Variants in SMAD6 observed in about 807,000 individuals in gnomAD.
The protein encoded by SMAD6 is MAD homolog 6.
SMAD6 carries 103 observed loss-of-function variants against 39.4 expected under a neutral mutation model. That is an observed-to-expected ratio of 2.62 (90% CI 2.23 to 3.08). The LOEUF (loss-of-function observed/expected upper bound fraction) is 3.08, where lower values mean the gene tolerates loss of function less well. Ranked by LOEUF, SMAD6 falls within the 30% of genes most tolerant of loss-of-function variation. The pLI is 0.00. For synonymous variants in SMAD6, 445 were observed against 353.3 expected (o/e 1.26, Z -2.91); for missense variants, 1,104 against 742.9 (o/e 1.49, Z -5.65).
At chr15:66,710,582 G>A (rs955897349) in intron 1 of SMAD6, among the ~76,000 whole-genome samples, 11 of 152,042 alleles carry the variant, frequency 7.2e-5, no homozygotes, top group African/African-American at 2.2e-4. Flanking sequence ...ACTGATACCC[G>A]CTTAATAATA....
At chr15:66,764,083 A>G (rs1894250308) in intron 3 of SMAD6, among the ~76,000 whole-genome samples, 1 of 152,250 alleles carries the variant, frequency 6.6e-6, no homozygotes, top group African/African-American at 2.4e-5. Context: ...GTGATTGGAA[A>G]GGATACTGTC....
Position 66,782,756 on chromosome 15 carries a change from A to C in SMAD6, c.*1221A>C, listed in dbSNP as rs1051255487. 3 of 152,266 alleles carry C rather than the reference A, an allele frequency of 2.0e-5. No individual in the cohort carries two copies. The highest frequency in any genetic ancestry group is 6.5e-5 in the Admixed American group (1 of 15,290). The allele number at this position is 152,266 out of a possible 1,614,324, so 9.4% of individuals were successfully genotyped here. Reference sequence around the variant, plus strand: ...AACTAAGAGGAATGTTTCATTGTATATCTTTTTTCTTGGAGATTTATATTA... The same window carrying C: ...AACTAAGAGGAATGTTTCATTGTATCTCTTTTTTCTTGGAGATTTATATTA... On this transcript the variant is annotated 3_prime_UTR_variant, in exon 4 of 4. Transcript: ENST00000288840.
chr15:66,703,803 G>C lies in SMAD6; in HGVS notation c.545G>C (p.Arg182Pro). 7.0e-7 allele frequency: 1 copy of C among 1,434,564 alleles called. No individual in the cohort carries two copies. The highest frequency in any genetic ancestry group is 9.2e-7 in the Non-Finnish European group (1 of 1,083,176). 88.9% of individuals were successfully genotyped at this position (1,434,564 alleles called of 1,614,324 possible). A position where few individuals can be genotyped will look rare whatever the true frequency, so the allele number is the denominator to read the frequency against. ...LKTVTYSLLKRLKERSLDTLL... is the reference protein window; with the variant it reads ...LKTVTYSLLKPLKERSLDTLL... ...ACCGTCACGTACTCGCTGCTGAAGC[G>C]GCTCAAGGAGCGCTCGCTGGACACG... The change falls in exon 1 of 4, where the codon CGG (arginine) becomes CCG (proline). Residue 182 changes from arginine (R) to proline (P), a missense_variant. By Grantham distance (103) the Arg-to-Pro change is moderately radical (BLOSUM62 -2). Coordinates refer to ENST00000288840, the MANE Select transcript of SMAD6 (RefSeq NM_005585.5).
intron 3 of SMAD6, among the ~76,000 whole-genome samples, chr15:66,734,306 G>GT (rs1190384158): frequency 6.6e-6 from 1 of 152,212 alleles, no homozygotes; most frequent in Non-Finnish European, 1.5e-5. Flanking sequence ...TTGGAACTGG[G>GT]TTCTGGGCAT....
chr15:66,721,836 G>A (rs1893438640), intron 3 of SMAD6, among the ~76,000 whole-genome samples: 1 of 152,162 alleles, frequency 6.6e-6, no homozygotes. Context: ...AACAAGAGGC[G>A]GTCCAGAGGA....
chr15:66,703,256 C>A lies in SMAD6; in HGVS notation c.-3C>A. The A allele has an allele frequency of 6.9e-7, 1 of 1,448,792 alleles. No homozygotes were observed. Among genetic ancestry groups the A allele is most frequent in the Non-Finnish European group, 9.1e-7 (1 of 1,098,664 alleles). The allele number at this position is 1,448,792 out of a possible 1,614,324, so 89.7% of individuals were successfully genotyped here. ...CCCCACCCCTGGCGCCAAAGGATAT[C>A]GTATGTTCAGGTCCAAACGCTCGGG... On this transcript the variant is annotated 5_prime_UTR_variant, in exon 1 of 4. Transcript: ENST00000288840.
At chr15:66,762,163 C>G (rs1411982772) in intron 3 of SMAD6, among the ~76,000 whole-genome samples, 1 of 152,192 alleles carries the variant, frequency 6.6e-6, no homozygotes, top group East Asian at 1.9e-4. Context: ...TTGGAACTGA[C>G]CAGAAGGAAG....
rs983283757 is a variant in SMAD6, at chr15:66,702,972, G to C, written c.-287G>C. The C allele has an allele frequency of 1.0e-5, 3 of 299,730 alleles. No individual in the cohort carries two copies. Among genetic ancestry groups the C allele is most frequent in the African/African-American group, 6.5e-5 (3 of 46,108 alleles). 18.6% of individuals were successfully genotyped at this position (299,730 alleles called of 1,614,324 possible). A position where few individuals can be genotyped will look rare whatever the true frequency, so the allele number is the denominator to read the frequency against. On this transcript the variant is annotated 5_prime_UTR_variant, in exon 1 of 4. Coordinates refer to ENST00000288840, the MANE Select transcript of SMAD6 (RefSeq NM_005585.5). ...GCCTGCAGCCCCCCTAAAGCGCGGGGGCTGGAGTTGTTGAGCAGCCCCGCC... is the reference window on the plus strand; with the variant it reads ...GCCTGCAGCCCCCCTAAAGCGCGGGCGCTGGAGTTGTTGAGCAGCCCCGCC...
chr15:66,721,982 C>G (rs867879542), intron 3 of SMAD6, among the ~76,000 whole-genome samples: 2 of 152,192 alleles, frequency 1.3e-5, no homozygotes, highest in South Asian at 4.1e-4. Context: ...CCAGGTATAG[C>G]AGATGCAAAG....
chr15:66,726,976 C>G (rs543987641), intron 3 of SMAD6, among the ~76,000 whole-genome samples: 6 of 152,146 alleles, frequency 3.9e-5, no homozygotes, highest in African/African-American at 1.4e-4. Context: ...CTGTCTCCCA[C>G]TCAAGGCAGG....
intron 3 of SMAD6, among the ~76,000 whole-genome samples, chr15:66,761,816 G>T (rs1894204729): frequency 6.6e-6 from 1 of 152,192 alleles, no homozygotes; most frequent in Admixed American, 6.5e-5. Context: ...ACACGCCCTT[G>T]CTGCTAGACG....
In SMAD6 at chr15:66,728,740, A is replaced by G. The variant is rs868341552; in HGVS notation, c.952+12242A>G. ...TGTTGTTGTGTATTGCCGATTGCTC[A>G]TTCTCACTGCCAGATAATATTCTGT... On this transcript the variant is annotated intron_variant, in intron 3 of 3. Transcript: ENST00000288840. Among the ~76,000 whole-genome samples the G allele has an allele frequency of 2.6e-5, 4 of 152,322 alleles. 1 individual carries two copies. The Middle Eastern group carries it at 0.01, about 389-fold the overall frequency.
chr15:66,728,704 C>G (rs760232290), intron 3 of SMAD6, among the ~76,000 whole-genome samples: 4 of 152,198 alleles, frequency 2.6e-5, no homozygotes, highest in Admixed American at 6.5e-5. Context: ...TACACCTGGC[C>G]TCATCCATAT....
intron 3 of SMAD6, among the ~76,000 whole-genome samples, chr15:66,769,859 G>A (rs1037285045): frequency 6.6e-6 from 1 of 152,136 alleles, no homozygotes; most frequent in Non-Finnish European, 1.5e-5. Context: ...TTGAGATGGA[G>A]TCTTGCTCTG....
intron 3 of SMAD6, among the ~76,000 whole-genome samples, chr15:66,774,244 G>A (rs1004936758): frequency 1.3e-5 from 2 of 152,194 alleles, no homozygotes; most frequent in Non-Finnish European, 2.9e-5. Context: ...ACACAGGAAC[G>A]TTCCTGCCCT....
chr15:66,737,427 C>T (rs1320620610), intron 3 of SMAD6, among the ~76,000 whole-genome samples: 3 of 152,166 alleles, frequency 2.0e-5, no homozygotes, highest in East Asian at 1.9e-4. Flanking sequence ...CAGAAGTGAG[C>T]GCGGGTCGGC....
chr15:66,704,172 G>A (rs1278740021), intron 1 of SMAD6, 97 bp downstream of exon 1: 1 of 1,037,418 alleles, frequency 9.6e-7, no homozygotes, highest in South Asian at 2.5e-5. Flanking sequence ...CGCAGCTGCG[G>A]GTGCTCCCCC....
Position 66,750,616 on chromosome 15 carries a change from G to A in SMAD6, c.953-30381G>A, listed in dbSNP as rs936459604. Among the ~76,000 whole-genome samples, 25 of 97,852 alleles carry A rather than the reference G, an allele frequency of 2.6e-4. No individual in the cohort carries two copies. In the South Asian group the frequency reaches 7.1e-3, roughly 28 times the overall value. 64.2% of individuals were successfully genotyped at this position (97,852 alleles called of 152,430 possible). A position where few individuals can be genotyped will look rare whatever the true frequency, so the allele number is the denominator to read the frequency against. On this transcript the variant is annotated intron_variant, in intron 3 of 3. Coordinates refer to ENST00000288840, the MANE Select transcript of SMAD6 (RefSeq NM_005585.5). ...CCTCGCACCAAAAATTCAAGTGCCC[G>A]GTTTATTGAGGCGGGGGGTTGACCA...
At chr15:66,734,756 A>G (rs1893685737) in intron 3 of SMAD6, among the ~76,000 whole-genome samples, 1 of 152,220 alleles carries the variant, frequency 6.6e-6, no homozygotes, top group African/African-American at 2.4e-5. Flanking sequence ...AGGATGATGA[A>G]AAAGCTCTGG....
Sources: gnomAD v4.1 joint callset for allele counts (sites outside exome capture counted in the v4.1 genomes callset) on GRCh38, gnomAD v4.1.1 for gene constraint, MANE v1.5 for transcripts, NCBI Gene and HGNC (gene_info 2026-07-23, HGNC 2026-07-21) for gene names.